ATP2A3: variants seen among roughly 807,000 people sequenced by gnomAD.
ATP2A3 encodes sarcoplasmic/endoplasmic reticulum calcium ATPase 3.
ATP2A3 carries 61 observed loss-of-function variants against 106.8 expected under a neutral mutation model. The ratio of observed to expected loss-of-function variants is 0.57; its 90% CI spans 0.46 to 0.71. The LOEUF (loss-of-function observed/expected upper bound fraction) is 0.71. Among genes scored for constraint, ATP2A3 ranks in the 30% least tolerant of loss-of-function variants. ATP2A3 has a pLI of 0.00. For synonymous variants in ATP2A3, 611 were observed against 609.3 expected, an observed-to-expected ratio of 1.00 and a Z score of -0.04; for missense variants, 1,201 against 1,423.5, an observed-to-expected ratio of 0.84 and a Z score of 2.52.
intron 1 of ATP2A3, among the ~76,000 whole-genome samples, chr17:3,956,834 G>T (rs1400012114): frequency 6.6e-6 from 1 of 152,192 alleles, no homozygotes; most frequent in Non-Finnish European, 1.5e-5. Context: ...CCTCCGCAAA[G>T]CTCCCCTCTC....
intron 12 of ATP2A3, among the ~76,000 whole-genome samples, chr17:3,942,211 C>G (rs2053823150): frequency 6.6e-6 from 1 of 152,222 alleles, no homozygotes; most frequent in East Asian, 1.9e-4. Flanking sequence ...GCTTCTCCTG[C>G]TCCTAAAAGG....
Position 3,953,081 on chromosome 17 carries a change from G to A in ATP2A3, c.219+266C>T, listed in dbSNP as rs1000102237. Among the ~76,000 whole-genome samples, 1 of 152,184 alleles carries A rather than the reference G, an allele frequency of 6.6e-6. No homozygotes were observed. Among genetic ancestry groups the A allele is most frequent in the Admixed American group, 6.5e-5 (1 of 15,284 alleles). ...AGGGTACAGCAGGGCGGGGCGGGGG[G>A]CAGATGTGAGTTGGGGAGCTCGCTG... On this transcript the variant is annotated intron_variant, in intron 3 of 20. Coordinates refer to ENST00000397041, the MANE Select transcript of ATP2A3 (RefSeq NM_005173.4). The surrounding 1 kb of genome is among the most constrained non-coding windows in gnomAD (Gnocchi z 5.1).
intron 8 of ATP2A3, among the ~76,000 whole-genome samples, chr17:3,945,591 A>G (rs1219610648): frequency 6.6e-6 from 1 of 152,160 alleles, no homozygotes; most frequent in African/African-American, 2.4e-5. Context: ...GAGGAAACCC[A>G]CACGCCTCTC....
At chr17:3,943,194 C>A (rs2053881257) in intron 11 of ATP2A3, among the ~76,000 whole-genome samples, 197 bp downstream of exon 11, 1 of 151,968 alleles carries the variant, frequency 6.6e-6, no homozygotes, top group Admixed American at 6.6e-5. Context: ...ATCACTTGAA[C>A]CCGGGAGGCA....
intron 17 of ATP2A3, among the ~76,000 whole-genome samples, chr17:3,931,273 T>G (rs1337384443): frequency 1.3e-5 from 2 of 152,300 alleles, no homozygotes; most frequent in East Asian, 1.9e-4. Context: ...AACAGGTAGC[T>G]TCTCTGTAAT....
In ATP2A3 at chr17:3,928,755, C is replaced by T. The variant is rs2144220247; in HGVS notation, c.2888G>A (p.Ser963Asn). The T allele has an allele frequency of 6.4e-7, 1 of 1,553,778 alleles. No homozygotes were observed. The highest frequency in any genetic ancestry group is 8.7e-7 in the Non-Finnish European group (1 of 1,148,550). Residue 963 changes from serine (S) to asparagine (N), a missense_variant, in exon 20 of 21, where the codon AGC (serine) becomes AAC (asparagine). Around this residue, in one of 2 missense-constraint regions of ATP2A3, gnomAD observed 935 missense variants for 1,176.7 expected, o/e 0.79. Transcript: ENST00000397041. This position sits in a 1 kb window ranked among gnomAD's most constrained non-coding sequence, Gnocchi z 6.1. ...LPLIFQVTPL[S>N]GRQWVVVLQI... ...GAGCACCACCACCCACTGGCGCCCG[C>T]TCAGTGGGGTCACCTGGAAAATGAG...
At chr17:3,949,312 G>GT (rs1425890999) in intron 7 of ATP2A3, among the ~76,000 whole-genome samples, 1 of 152,150 alleles carries the variant, frequency 6.6e-6, no homozygotes, top group African/African-American at 2.4e-5. Context: ...CGGGGCAGCT[G>GT]TGAGTATCAC....
chr17:3,961,570 T>A (rs1044028529), intron 1 of ATP2A3, among the ~76,000 whole-genome samples: 2 of 152,180 alleles, frequency 1.3e-5, no homozygotes, highest in East Asian at 1.9e-4. Context: ...CCTGGCAGAA[T>A]TTGCAAGCTT....
Position 3,947,389 on chromosome 17 carries a change from A to G in ATP2A3, c.1095+2T>C. 6.2e-7 allele frequency: 1 copy of G among 1,613,782 alleles called. No homozygotes were observed. Among genetic ancestry groups the G allele is most frequent in the Non-Finnish European group, 8.5e-7 (1 of 1,180,030 alleles). ...AGCAACACCAAGCTGGCCGTCACTC[A>G]CCCGGCAGACAGACATCTGATTGGT... is the stretch of plus-strand genomic sequence containing the variant. On this transcript the variant is annotated splice_donor_variant, in intron 8 of 20. Coordinates refer to ENST00000397041, the MANE Select transcript of ATP2A3 (RefSeq NM_005173.4). LOFTEE classifies it high-confidence loss of function. The surrounding 1 kb of genome is among the most constrained non-coding windows in gnomAD (Gnocchi z 7.7).
chr17:3,930,643 C>T lies in ATP2A3; in HGVS notation c.2611-209G>A. On this transcript the variant is annotated intron_variant, in intron 17 of 20. Transcript: ENST00000397041. This position sits in a 1 kb window ranked among gnomAD's most constrained non-coding sequence, Gnocchi z 5.4. ...GCACCGTGCCAGGGAGAAGCAAGGG[C>T]ACAGCGTGGGAAAGGCAGACGTTCT... The T allele has an allele frequency of 1.5e-6, 1 of 676,092 alleles. No homozygotes were observed. The highest frequency in any genetic ancestry group is 1.7e-5 in the South Asian group (1 of 57,604). 41.9% of individuals were successfully genotyped at this position (676,092 alleles called of 1,614,324 possible).
At chr17:3,964,024 G>A (rs887385) in intron 1 of ATP2A3, 150 bp downstream of exon 1, 72,065 of 308,832 alleles carry the variant, frequency 0.23, 10,006 homozygotes, top group African/African-American at 0.44. Flanking sequence ...TGGCCGCGCA[G>A]CCCCGCCGGG....
intron 1 of ATP2A3, among the ~76,000 whole-genome samples, chr17:3,963,669 G>A (rs2055265289): frequency 6.6e-6 from 1 of 152,216 alleles, no homozygotes; most frequent in Non-Finnish European, 1.5e-5. Context: ...AAGACCTGGG[G>A]TGGGGGTGGG....
At chr17:3,964,059 T>G in intron 1 of ATP2A3, 115 bp downstream of exon 1, 1 of 494,858 alleles carries the variant, frequency 2.0e-6, no homozygotes, top group Non-Finnish European at 2.7e-6. Flanking sequence ...CCGAAGAGGT[T>G]TCCGGAGCCC....
At position 3,930,357 on chromosome 17, in the gene ATP2A3, G is replaced by A. The variant is rs1291530268; in HGVS notation, c.2688C>T (p.Pro896=). 4 of 1,613,462 alleles carry A rather than the reference G, an allele frequency of 2.5e-6. No homozygotes were observed. The highest frequency in any genetic ancestry group is 1.7e-5 in the Admixed American group (1 of 59,910). Residue 896 remains proline, a synonymous_variant, in exon 18 of 21, where the codon CCC becomes CCT. Coordinates refer to ENST00000397041, the MANE Select transcript of ATP2A3 (RefSeq NM_005173.4). This position sits in a 1 kb window ranked among gnomAD's most constrained non-coding sequence, Gnocchi z 5.4. ...IDCEVFESRF[P]TTMALSVLVT... is the part of the protein sequence containing the mutation. ...CGAGCACGGACAAGGCCATGGTGGT[G>A]GGGAAGCGTGACTCGAACACCTCAC...
chr17:3,953,143 G>T lies in ATP2A3; in HGVS notation c.219+204C>A, dbSNP rs2054551909. The T allele has an allele frequency of 1.6e-6, 1 of 625,318 alleles. No individual in the cohort carries two copies. Among genetic ancestry groups the T allele is most frequent in the Non-Finnish European group, 2.9e-6 (1 of 348,768 alleles). 38.7% of individuals were successfully genotyped at this position (625,318 alleles called of 1,614,324 possible). ...ATAAGATGGATTGGAGGGGTCAGGT[G>T]GGAGCCGGGGACCCAATGTAGGGGC... On this transcript the variant is annotated intron_variant, in intron 3 of 20. Coordinates refer to ENST00000397041, the MANE Select transcript of ATP2A3 (RefSeq NM_005173.4). The surrounding 1 kb of genome is among the most constrained non-coding windows in gnomAD (Gnocchi z 5.1).
At chr17:3,934,492 T>C (rs2053307850) in intron 17 of ATP2A3, among the ~76,000 whole-genome samples, 1 of 151,174 alleles carries the variant, frequency 6.6e-6, no homozygotes, top group South Asian at 2.1e-4. Flanking sequence ...ATTACAGGCG[T>C]CAGCCACCAT....
chr17:3,937,196 G>T, intron 15 of ATP2A3: 2 of 596,928 alleles, frequency 3.4e-6, no homozygotes, highest in Admixed American at 2.9e-5. Context: ...CACCTCCGTG[G>T]GTGCTGGGGT....
In ATP2A3 at chr17:3,953,422, G is replaced by A; in HGVS notation, c.144C>T (p.Ser48=). 6.2e-7 allele frequency: 1 copy of A among 1,613,984 alleles called. No individual in the cohort carries two copies. The highest frequency in any genetic ancestry group is 1.1e-5 in the South Asian group (1 of 91,088). Reference sequence around the variant, plus strand: ...ACTGTTCCAGCACCAGCTCCCACAGGGACTTCCCTGGGAACGGGGGTCATG... The same window carrying A: ...ACTGTTCCAGCACCAGCTCCCACAGAGACTTCCCTGGGAACGGGGGTCATG... ...PNELPSEEGK[S]LWELVLEQFE... The change falls in exon 3 of 21, where the codon TCC becomes TCT. Residue 48 remains serine, a synonymous_variant. Transcript: ENST00000397041. The surrounding 1 kb of genome is among the most constrained non-coding windows in gnomAD (Gnocchi z 5.1).
In ATP2A3 at chr17:3,925,515, C is replaced by T. The variant is rs1023561813; in HGVS notation, c.2981-74G>A. 1 of 1,540,062 alleles carries T rather than the reference C, an allele frequency of 6.5e-7. No individual in the cohort carries two copies. The highest frequency in any genetic ancestry group is 8.8e-7 in the Non-Finnish European group (1 of 1,137,300). On this transcript the variant is annotated intron_variant, in intron 20 of 20. Coordinates refer to ENST00000397041, the MANE Select transcript of ATP2A3 (RefSeq NM_005173.4). This position sits in a 1 kb window ranked among gnomAD's most constrained non-coding sequence, Gnocchi z 4.2. Reference sequence around the variant, plus strand: ...CATCCAGACAGCTTCCTTCCAGCCCCTTCCATCCTCCACTTCTCCCAGGAC... The same window carrying T: ...CATCCAGACAGCTTCCTTCCAGCCCTTTCCATCCTCCACTTCTCCCAGGAC...
Sources: allele counts gnomAD v4.1 joint callset (sites outside exome capture counted in the v4.1 genomes callset), GRCh38; gene constraint gnomAD v4.1.1; regional missense constraint gnomAD v4.1.1; non-coding constraint Gnocchi (gnomAD v3.1); transcripts MANE v1.5; gene names NCBI Gene and HGNC (gene_info 2026-07-23, HGNC 2026-07-21).